The following RHOU variants were observed in gnomAD, a reference collection of about 807,000 sequenced individuals.
RHOU encodes rho-related GTP-binding protein RhoU.
RHOU carries 8 observed loss-of-function variants against 12.6 expected under a neutral mutation model. That is an observed-to-expected ratio of 0.64 (90% CI 0.37 to 1.15). The LOEUF (loss-of-function observed/expected upper bound fraction) is 1.15, where lower values mean the gene tolerates loss of function less well. Among genes scored for constraint, RHOU ranks in the 50% most tolerant of loss-of-function variants. The pLI, the probability that RHOU is intolerant of heterozygous loss-of-function variation, is 0.01. For missense variants in RHOU, 258 were observed against 347.0 expected (o/e 0.74, Z 2.04); for synonymous variants, 161 against 147.4 (o/e 1.09, Z -0.67).
At chr1:228,742,307 A>C (rs1025591592) in intron 2 of RHOU, among the ~76,000 whole-genome samples, 1 of 152,246 alleles carries the variant, frequency 6.6e-6, no homozygotes, top group African/African-American at 2.4e-5. Context: ...TTCACAGCCA[A>C]ATCCCCTCGC....
chr1:228,721,109 C>G, the RHOU span, among the ~76,000 whole-genome samples: 1 of 152,304 alleles, frequency 6.6e-6, no homozygotes, highest in Admixed American at 6.5e-5. Context: ...TGAGACCAGC[C>G]TGGCCAACAT....
At chr1:228,694,483 T>A in the RHOU span, among the ~76,000 whole-genome samples, 3 of 152,036 alleles carry the variant, frequency 2.0e-5, no homozygotes, top group Non-Finnish European at 4.4e-5. Context: ...CTCCCTCCCC[T>A]CCCCTCAATA....
chr1:228,672,299 T>G, the RHOU span, among the ~76,000 whole-genome samples: 1 of 152,158 alleles, frequency 6.6e-6, no homozygotes, highest in South Asian at 2.1e-4. Context: ...GTAGCTGGGA[T>G]TACAGGTGCC....
At chr1:228,653,544 C>A in the RHOU span, among the ~76,000 whole-genome samples, 1 of 152,170 alleles carries the variant, frequency 6.6e-6, no homozygotes, top group Non-Finnish European at 1.5e-5. Flanking sequence ...GTCTCGAACT[C>A]CCAACCTCAG....
the RHOU span, among the ~76,000 whole-genome samples, chr1:228,663,231 G>A: frequency 6.6e-6 from 1 of 152,160 alleles, no homozygotes; most frequent in Non-Finnish European, 1.5e-5. Context: ...GAATAGTCTG[G>A]ACAGAGACCT....
At chr1:228,651,749 T>C in the RHOU span, among the ~76,000 whole-genome samples, 1 of 152,252 alleles carries the variant, frequency 6.6e-6, no homozygotes, top group Admixed American at 6.5e-5. Flanking sequence ...ATGGCACTTA[T>C]GAAGCCAATT....
intron 2 of RHOU, among the ~76,000 whole-genome samples, chr1:228,740,042 C>T (rs889317554): frequency 1.3e-5 from 2 of 152,094 alleles, no homozygotes; most frequent in Admixed American, 1.3e-4. Flanking sequence ...GCTGGTTGGG[C>T]CTGGCAGGAA....
At chr1:228,659,781 C>T in the RHOU span, among the ~76,000 whole-genome samples, 311 of 151,696 alleles carry the variant, frequency 2.1e-3, 1 homozygote, top group Middle Eastern at 0.01. Context: ...GTCAGGAGTT[C>T]GAGACTAGCC....
chr1:228,707,220 T>TATGTATATAC, the RHOU span, among the ~76,000 whole-genome samples: 12 of 105,598 alleles, frequency 1.1e-4, no homozygotes, highest in African/African-American at 5.3e-4. Flanking sequence ...TATATATACA[T>TATGTATATAC]ATATATATAC....
the RHOU span, among the ~76,000 whole-genome samples, chr1:228,667,333 G>A: frequency 6.6e-6 from 1 of 152,228 alleles, no homozygotes; most frequent in Non-Finnish European, 1.5e-5. Context: ...CCCAGAGGGA[G>A]GGATCAGTAA....
chr1:228,715,689 A>G, the RHOU span, among the ~76,000 whole-genome samples: 1 of 152,052 alleles, frequency 6.6e-6, no homozygotes, highest in East Asian at 1.9e-4. Flanking sequence ...TAGTTCTTCT[A>G]TATCTTCATT....
At chr1:228,696,233 A>C in the RHOU span, among the ~76,000 whole-genome samples, 2 of 139,224 alleles carry the variant, frequency 1.4e-5, no homozygotes, top group Middle Eastern at 3.7e-3. Context: ...GTATACAATT[A>C]AAAAAAAAAA....
At chr1:228,663,478 A>G in the RHOU span, among the ~76,000 whole-genome samples, 1 of 152,202 alleles carries the variant, frequency 6.6e-6, no homozygotes, top group African/African-American at 2.4e-5. Flanking sequence ...GAAAATCGGA[A>G]AAGTTAAGCA....
the RHOU span, among the ~76,000 whole-genome samples, chr1:228,654,962 A>G: frequency 2.6e-5 from 4 of 152,230 alleles, no homozygotes; most frequent in African/African-American, 9.6e-5. Flanking sequence ...AATACACAAA[A>G]TAAAAAAACA....
the RHOU span, among the ~76,000 whole-genome samples, chr1:228,671,018 T>A: frequency 1.3e-5 from 2 of 152,164 alleles, no homozygotes; most frequent in African/African-American, 4.8e-5. Context: ...TGTTGTTGTT[T>A]TTTCAGATGT....
chr1:228,736,107 C>G (rs1662604846), intron 1 of RHOU, 103 bp downstream of exon 1: 2 of 1,194,654 alleles, frequency 1.7e-6, no homozygotes, highest in Non-Finnish European at 2.2e-6. Flanking sequence ...GGCTGCAGGG[C>G]CCCGGGCGCG....
chr1:228,705,723 T>A, the RHOU span, among the ~76,000 whole-genome samples: 1 of 152,174 alleles, frequency 6.6e-6, no homozygotes. Flanking sequence ...GTTTCTGTCA[T>A]GGCTTCCAAA....
upstream of RHOU, chr1:228,735,469 G>A (rs1307235447): frequency 1.3e-5 from 3 of 233,368 alleles, no homozygotes; most frequent in South Asian, 1.8e-4. This position sits in a 1 kb window ranked among gnomAD's most constrained non-coding sequence, Gnocchi z 8.1. Context: ...CCGGGAAGCC[G>A]GGCGGAGACA....
chr1:228,716,602 T>C, the RHOU span, among the ~76,000 whole-genome samples: 1 of 152,198 alleles, frequency 6.6e-6, no homozygotes, highest in Non-Finnish European at 1.5e-5. Flanking sequence ...TTGTTTTGTG[T>C]ACTGTTCAAA....
Sources: allele counts gnomAD v4.1 joint callset (sites outside exome capture counted in the v4.1 genomes callset), GRCh38; gene constraint gnomAD v4.1.1; non-coding constraint Gnocchi (gnomAD v3.1); transcripts MANE v1.5; gene names NCBI Gene and HGNC (gene_info 2026-07-23, HGNC 2026-07-21).